Variants in SMOC2 observed in about 807,000 individuals in gnomAD.
SMOC2 encodes SPARC-related modular calcium-binding protein 2.
Under a neutral mutation model 61.4 loss-of-function variants are expected in SMOC2, and 39 were observed. The observed-to-expected ratio is 0.64, with a 90% CI of 0.49 to 0.83. The LOEUF is 0.83. Among genes scored for constraint, SMOC2 ranks in the 40% least tolerant of loss-of-function variants. The pLI is 0.00. For missense variants in SMOC2, 556 were observed against 592.9 expected (o/e 0.94, Z 0.65); for synonymous variants, 247 against 239.9 (o/e 1.03, Z -0.27).
chr6:168,500,031 G>C (rs1782685968), intron 1 of SMOC2, among the ~76,000 whole-genome samples: 1 of 152,164 alleles, frequency 6.6e-6, no homozygotes, highest in South Asian at 2.1e-4. Flanking sequence ...TCCATGCCGG[G>C]TGCAGTGGCT....
At chr6:168,485,777 A>T (rs1000766514) in intron 1 of SMOC2, among the ~76,000 whole-genome samples, 1 of 152,206 alleles carries the variant, frequency 6.6e-6, no homozygotes, top group Non-Finnish European at 1.5e-5. Context: ...AACTCTGAAT[A>T]AATTTAAAAC....
intron 7 of SMOC2, among the ~76,000 whole-genome samples, chr6:168,582,875 C>T (rs1784952637): frequency 6.6e-6 from 1 of 152,146 alleles, no homozygotes; most frequent in Non-Finnish European, 1.5e-5. Flanking sequence ...CTTGCCCCTC[C>T]CGGTTTTTAT....
At chr6:168,442,251 G>C (rs1465529406) in intron 1 of SMOC2, among the ~76,000 whole-genome samples, 1 of 152,270 alleles carries the variant, frequency 6.6e-6, no homozygotes. Context: ...TCCTGAGCGC[G>C]AGGGTCACCG....
chr6:168,495,553 G>C (rs1209142628), intron 1 of SMOC2, among the ~76,000 whole-genome samples: 1 of 152,188 alleles, frequency 6.6e-6, no homozygotes, highest in Non-Finnish European at 1.5e-5. Context: ...GTTTGCTGTG[G>C]TGGCAGCCCT....
At chr6:168,570,226 T>C (rs1041923805) in intron 7 of SMOC2, among the ~76,000 whole-genome samples, 1 of 151,918 alleles carries the variant, frequency 6.6e-6, no homozygotes, top group Non-Finnish European at 1.5e-5. Flanking sequence ...CGAATGGGAA[T>C]AGAACTAAAG....
At chr6:168,511,819 T>TG (rs1285446488) in intron 2 of SMOC2, among the ~76,000 whole-genome samples, 1 of 151,048 alleles carries the variant, frequency 6.6e-6, no homozygotes, top group East Asian at 1.9e-4. Flanking sequence ...GGGTTGTTTT[T>TG]TTTTTTTTTT....
At chr6:168,617,859 C>G (rs554615443) in intron 9 of SMOC2, among the ~76,000 whole-genome samples, 1 of 152,246 alleles carries the variant, frequency 6.6e-6, no homozygotes, top group Non-Finnish European at 1.5e-5. Flanking sequence ...GACTGTATCT[C>G]GCCTGATTGC....
intron 7 of SMOC2, among the ~76,000 whole-genome samples, chr6:168,564,281 TCAAAG>T (rs1784493149): frequency 6.6e-6 from 1 of 152,122 alleles, no homozygotes. Flanking sequence ...GTGGGGTTCT[TCAAAG>T]AAGAGTGCCT....
At chr6:168,498,791 G>A (rs994292238) in intron 1 of SMOC2, among the ~76,000 whole-genome samples, 3 of 120,442 alleles carry the variant, frequency 2.5e-5, no homozygotes, top group Non-Finnish European at 6.1e-5. Context: ...CCAGCCCTAC[G>A]AGTCAGAGTC....
intron 7 of SMOC2, among the ~76,000 whole-genome samples, chr6:168,584,714 T>C (rs1785007334): frequency 6.6e-6 from 1 of 152,220 alleles, no homozygotes; most frequent in African/African-American, 2.4e-5. Context: ...TATTTTATGC[T>C]TACTAGGAGC....
chr6:168,546,660 C>T (rs1784010925), intron 5 of SMOC2, among the ~76,000 whole-genome samples: 1 of 152,146 alleles, frequency 6.6e-6, no homozygotes, highest in South Asian at 2.1e-4. Context: ...CAACCCTTGC[C>T]TTTCTCTTGG....
chr6:168,664,693 A>T (rs1562414230), intron 12 of SMOC2: 1 of 470,764 alleles, frequency 2.1e-6, no homozygotes, highest in Non-Finnish European at 4.4e-6. Context: ...GTTCACAAAC[A>T]TGTGTTGTGT....
intron 7 of SMOC2, among the ~76,000 whole-genome samples, chr6:168,595,194 C>CT (rs1785291759): frequency 7.0e-5 from 4 of 57,412 alleles, no homozygotes; most frequent in Admixed American, 1.7e-4. Context: ...TGAGGCCTCA[C>CT]GAGGGGCATC....
intron 1 of SMOC2, among the ~76,000 whole-genome samples, chr6:168,468,114 T>C (rs1781885803): frequency 1.3e-5 from 2 of 152,192 alleles, no homozygotes; most frequent in Admixed American, 6.5e-5. Flanking sequence ...TCTTCTTTTC[T>C]CCTTGGCTCA....
intron 1 of SMOC2, among the ~76,000 whole-genome samples, chr6:168,446,531 G>C (rs1781337213): frequency 6.6e-6 from 1 of 152,174 alleles, no homozygotes; most frequent in Non-Finnish European, 1.5e-5. Flanking sequence ...AATAGAGCAA[G>C]ATCCCAGCAT....
intron 8 of SMOC2, among the ~76,000 whole-genome samples, chr6:168,603,417 G>A (rs113266660): frequency 2.0e-4 from 31 of 152,098 alleles, no homozygotes; most frequent in African/African-American, 6.0e-4. Context: ...CATCTGTCAC[G>A]TCTCAGCTCC....
intron 9 of SMOC2, among the ~76,000 whole-genome samples, chr6:168,643,462 G>A (rs929891043): frequency 2.0e-5 from 3 of 152,114 alleles, no homozygotes; most frequent in Non-Finnish European, 2.9e-5. Context: ...TGCCTGGGAC[G>A]CAGGGTCTTC....
chr6:168,453,299 C>A lies in SMOC2; in HGVS notation c.84+11845C>A, dbSNP rs1337514540. Among the ~76,000 whole-genome samples the A allele has an allele frequency of 1.3e-5, 2 of 152,170 alleles. No homozygotes were observed. Among genetic ancestry groups the A allele is most frequent in the African/African-American group, 4.8e-5 (2 of 41,436 alleles). On this transcript the variant is annotated intron_variant, in intron 1 of 12. Coordinates refer to ENST00000356284, the MANE Select transcript of SMOC2 (RefSeq NM_001166412.2). This position sits in a 1 kb window ranked among gnomAD's most constrained non-coding sequence, Gnocchi z 4.4. Reference sequence around the variant, plus strand: ...GTGTGGTGGCCTCAAGGCTCCGTCACCCTGCGGCCCTGTCATTTCGGGCTG... The same window carrying A: ...GTGTGGTGGCCTCAAGGCTCCGTCAACCTGCGGCCCTGTCATTTCGGGCTG...
chr6:168,659,639 A>T (rs1583194529), intron 11 of SMOC2, among the ~76,000 whole-genome samples: 6 of 149,300 alleles, frequency 4.0e-5, no homozygotes, highest in Non-Finnish European at 4.5e-5. Context: ...TGGAGGTTGT[A>T]GGTTGGGTGA....
Sources: gnomAD v4.1 joint callset for allele counts (sites outside exome capture counted in the v4.1 genomes callset) on GRCh38, gnomAD v4.1.1 for gene constraint, Gnocchi (gnomAD v3.1) non-coding constraint, MANE v1.5 for transcripts, NCBI Gene and HGNC (gene_info 2026-07-23, HGNC 2026-07-21) for gene names.